The following PHIP variants were observed in gnomAD, a reference collection of about 807,000 sequenced individuals.
The protein encoded by PHIP is PHIP subunit of CUL4-Ring ligase complex.
A neutral mutation model predicts 236.8 loss-of-function variants in PHIP; 54 were observed. The ratio of observed to expected loss-of-function variants is 0.23; its 90% confidence interval spans 0.18 to 0.29. PHIP has a LOEUF of 0.29. Ranked by LOEUF, PHIP falls within the 10% of genes least tolerant of loss-of-function variation. PHIP has a pLI of 1.00. For missense variants in PHIP, 1,370 were observed against 2,190.8 expected, an observed-to-expected ratio of 0.63 and a Z score of 7.48; for synonymous variants, 756 against 718.9, an observed-to-expected ratio of 1.05 and a Z score of -0.83.
chr6:78,998,891 T>C (rs1265246494), intron 17 of PHIP, among the ~76,000 whole-genome samples: 2 of 152,132 alleles, frequency 1.3e-5, no homozygotes. Context: ...TACTGAGATC[T>C]AGTGGTAAAT....
intron 39 of PHIP, 148 bp downstream of exon 39, chr6:78,945,152 T>C (rs1344448306): frequency 3.2e-6 from 2 of 619,452 alleles, no homozygotes; most frequent in Non-Finnish European, 2.9e-6. Context: ...GGCACAATAA[T>C]AGCTCATTGC....
chr6:79,062,516 A>G (rs1773429285), intron 4 of PHIP, among the ~76,000 whole-genome samples: 1 of 152,210 alleles, frequency 6.6e-6, no homozygotes, highest in South Asian at 2.1e-4. Context: ...AATTCCTTTT[A>G]AAAATTTTAC....
intron 21 of PHIP, among the ~76,000 whole-genome samples, chr6:78,987,553 T>C (rs1179374153): frequency 6.6e-6 from 1 of 152,094 alleles, no homozygotes; most frequent in East Asian, 1.9e-4. Flanking sequence ...AAGTGTATAG[T>C]AGTCAATATC....
chr6:78,987,268 A>G (rs1768926738), intron 21 of PHIP, among the ~76,000 whole-genome samples: 1 of 152,124 alleles, frequency 6.6e-6, no homozygotes, highest in Non-Finnish European at 1.5e-5. Context: ...GAGACATTTT[A>G]TAAGATAAAT....
At chr6:78,951,257 A>G (rs1172735583) in intron 35 of PHIP, among the ~76,000 whole-genome samples, 2 of 152,128 alleles carry the variant, frequency 1.3e-5, no homozygotes, top group Non-Finnish European at 2.9e-5. Flanking sequence ...AGAATACTTA[A>G]TTTTTCTTGG....
At chr6:79,063,602 A>G (rs1376123926) in intron 4 of PHIP, among the ~76,000 whole-genome samples, 1 of 152,126 alleles carries the variant, frequency 6.6e-6, no homozygotes, top group Non-Finnish European at 1.5e-5. Flanking sequence ...TTTTTAGTAG[A>G]GACGGGGTTT....
intron 32 of PHIP, chr6:78,956,307 T>C (rs1766411851): frequency 6.6e-6 from 1 of 152,098 alleles, no homozygotes; most frequent in Non-Finnish European, 1.5e-5. Flanking sequence ...CAATTAGTGG[T>C]CAAGGGCTGT....
chr6:79,027,964 A>G (rs150568182), intron 7 of PHIP, among the ~76,000 whole-genome samples: 3 of 152,306 alleles, frequency 2.0e-5, no homozygotes, highest in Non-Finnish European at 4.4e-5. Flanking sequence ...AGTGTCTGAC[A>G]CATGGTTACA....
chr6:78,995,244 C>A (rs1769532075), intron 19 of PHIP, among the ~76,000 whole-genome samples: 1 of 152,122 alleles, frequency 6.6e-6, no homozygotes, highest in Non-Finnish European at 1.5e-5. Context: ...GTGAATATAC[C>A]ATTGTTTAAC....
In PHIP at chr6:78,939,490, A is replaced by G. The variant is rs1773388799; in HGVS notation, c.*1203T>C. 6.6e-6 allele frequency: 1 copy of G among 151,922 alleles called. No homozygotes were observed. Among genetic ancestry groups the G allele is most frequent in the Non-Finnish European group, 1.5e-5 (1 of 67,786 alleles). 9.4% of individuals were successfully genotyped at this position (151,922 alleles called of 1,614,324 possible). ...CCAATTTCCCCCTTAAAATTAAACTATAAAGTATGACATTTTAAAATTATT... is the reference window on the plus strand; with the variant it reads ...CCAATTTCCCCCTTAAAATTAAACTGTAAAGTATGACATTTTAAAATTATT... On this transcript the variant is annotated 3_prime_UTR_variant, in exon 40 of 40. Transcript: ENST00000275034.
At position 79,078,169 on chromosome 6, in the gene PHIP, G is replaced by T. The variant is rs1301646603; in HGVS notation, c.-101C>A. 6 of 1,191,472 alleles carry T rather than the reference G, an allele frequency of 5.0e-6. No individual in the cohort carries two copies. The highest frequency in any genetic ancestry group is 2.7e-5 in the South Asian group (2 of 73,420). 73.8% of individuals were successfully genotyped at this position (1,191,472 alleles called of 1,614,324 possible). A position where few individuals can be genotyped will look rare whatever the true frequency, so the allele number is the denominator to read the frequency against. Reference sequence around the variant, plus strand: ...CCTATAGCTGTCAGTGTGTGTTCACGAGCCGAGCTTCGGCTCCACCATTCA... The same window carrying T: ...CCTATAGCTGTCAGTGTGTGTTCACTAGCCGAGCTTCGGCTCCACCATTCA... On this transcript the variant is annotated 5_prime_UTR_variant, in exon 1 of 40. An upstream open reading frame in the 5' UTR gains an earlier in-frame stop. Coordinates refer to ENST00000275034, the MANE Select transcript of PHIP (RefSeq NM_017934.7).
chr6:79,077,763 C>CGCCCCGG, intron 2 of PHIP, 34 bp from the exon 3 acceptor site: 6 of 980,794 alleles, frequency 6.1e-6, no homozygotes, highest in Non-Finnish European at 7.2e-6. Context: ...CTGAGCCCCG[C>CGCCCCGG]GCCCCGGGCC....
intron 24 of PHIP, among the ~76,000 whole-genome samples, chr6:78,971,135 C>T (rs957442152): frequency 5.3e-5 from 8 of 152,128 alleles, no homozygotes; most frequent in African/African-American, 1.9e-4. Context: ...CTGGTTTCAC[C>T]ATTTTATTCT....
intron 36 of PHIP, 127 bp from the exon 37 acceptor site, chr6:78,947,001 C>A: frequency 1.9e-6 from 1 of 533,910 alleles, no homozygotes; most frequent in Non-Finnish European, 3.2e-6. Context: ...TTTTACATCC[C>A]TTTTTCCTAA....
rs529913235 is a variant in PHIP, at chr6:79,053,168, G to A, written c.439+7310C>T. On this transcript the variant is annotated intron_variant, in intron 6 of 39. Transcript: ENST00000275034. ...GTCTCTACTAAAAATACAAAAATTAGCCGGGTGTGGTGGTGCATGCCTGCA... is the reference window on the plus strand; with the variant it reads ...GTCTCTACTAAAAATACAAAAATTAACCGGGTGTGGTGGTGCATGCCTGCA... Among the ~76,000 whole-genome samples, 4 of 152,150 alleles carry A rather than the reference G, an allele frequency of 2.6e-5. No homozygotes were observed. The East Asian group carries it at 7.7e-4, about 29-fold the overall frequency.
intron 6 of PHIP, among the ~76,000 whole-genome samples, chr6:79,059,099 GCA>G (rs1466719301): frequency 6.6e-6 from 1 of 151,884 alleles, no homozygotes; most frequent in Non-Finnish European, 1.5e-5. Flanking sequence ...TACCCACCAC[GCA>G]GATATCACAT....
chr6:79,011,411 A>AAAC (rs1019743428), intron 15 of PHIP, among the ~76,000 whole-genome samples: 1 of 151,866 alleles, frequency 6.6e-6, no homozygotes, highest in Non-Finnish European at 1.5e-5. Context: ...TAAAAAAGAA[A>AAAC]AACAACAACA....
At chr6:78,986,697 T>C (rs1582171976) in intron 21 of PHIP, among the ~76,000 whole-genome samples, 1 of 152,268 alleles carries the variant, frequency 6.6e-6, no homozygotes, top group East Asian at 1.9e-4. Context: ...CTTTTAATAT[T>C]TAAATAAAAT....
chr6:78,969,929 C>A lies in PHIP; in HGVS notation c.3123-12G>T, dbSNP rs774900073. The stretch of plus-strand genomic sequence containing the variant: ...GCATATCATGGTATCTAATTACAAA[C>A]AGAAACAAATTGATTAGGTCACATA... On this transcript the variant is annotated splice_polypyrimidine_tract_variant and intron_variant, in intron 26 of 39. Transcript: ENST00000275034. The A allele has an allele frequency of 7.0e-6, 11 of 1,581,642 alleles. No homozygotes were observed. The highest frequency in any genetic ancestry group is 9.5e-6 in the Non-Finnish European group (11 of 1,158,170).
Sources: allele counts gnomAD v4.1 joint callset (sites outside exome capture counted in the v4.1 genomes callset), GRCh38; gene constraint gnomAD v4.1.1; transcripts MANE v1.5; gene names NCBI Gene and HGNC (gene_info 2026-07-23, HGNC 2026-07-21).